Variants in SPAST observed in about 807,000 individuals in gnomAD.
SPAST encodes the protein spastin, also known as spastic paraplegia 4 (autosomal dominant; spastin).
Under a neutral mutation model 76.6 loss-of-function variants are expected in SPAST, and 30 were observed. The observed-to-expected ratio is 0.39, with a 90% CI of 0.29 to 0.53. The LOEUF is 0.53. Among genes scored for constraint, SPAST ranks in the 20% least tolerant of loss-of-function variants. The pLI is 0.68. For synonymous variants in SPAST, 305 were observed against 281.0 expected, an observed-to-expected ratio of 1.09 and a Z score of -0.86; for missense variants, 717 against 770.5, an observed-to-expected ratio of 0.93 and a Z score of 0.82.
chr2:32,117,482 A>T (rs1010413607), intron 7 of SPAST, among the ~76,000 whole-genome samples: 1 of 151,754 alleles, frequency 6.6e-6, no homozygotes, highest in Non-Finnish European at 1.5e-5. Flanking sequence ...ATTATTTTTA[A>T]AAAGAGAGAA....
chr2:32,123,803 A>G (rs1679101591), intron 7 of SPAST, among the ~76,000 whole-genome samples: 1 of 152,224 alleles, frequency 6.6e-6, no homozygotes, highest in Non-Finnish European at 1.5e-5. Context: ...ATGGTATAGG[A>G]CAACTGGACA....
intron 1 of SPAST, among the ~76,000 whole-genome samples, chr2:32,065,170 C>T (rs1558607082): frequency 1.3e-5 from 2 of 152,172 alleles, no homozygotes; most frequent in East Asian, 3.9e-4. Flanking sequence ...CAGGCACGCA[C>T]CACCACGCCT....
intron 15 of SPAST, among the ~76,000 whole-genome samples, chr2:32,146,586 G>T (rs1679892636): frequency 6.6e-6 from 1 of 151,568 alleles, no homozygotes; most frequent in Non-Finnish European, 1.5e-5. Context: ...AAATAAATAG[G>T]CCAGGCACGG....
chr2:32,143,315 TC>T lies in SPAST; in HGVS notation c.1537-20del. On this transcript the variant is annotated intron_variant, in intron 13 of 16. Coordinates refer to ENST00000315285, the MANE Select transcript of SPAST (RefSeq NM_014946.4). ...TTAATTCTGAAATTAGACTGAATGA[TC>T]ATTTTTTAATATTTTTCAGACAAGA... 1 of 1,334,704 alleles carries T rather than the reference TC, an allele frequency of 7.5e-7. No homozygotes were observed. The highest frequency in any genetic ancestry group is 1.1e-6 in the Non-Finnish European group (1 of 928,682). The allele number at this position is 1,334,704 out of a possible 1,614,324, so 82.7% of individuals were successfully genotyped here.
intron 1 of SPAST, among the ~76,000 whole-genome samples, chr2:32,083,531 T>G (rs2148705138): frequency 6.6e-6 from 1 of 151,124 alleles, no homozygotes; most frequent in East Asian, 1.9e-4. Context: ...ATTGGGTGCA[T>G]TGTTGTATCT....
In SPAST at chr2:32,093,330, A is replaced by AC. The variant is rs1677796712; in HGVS notation, c.586+3725_586+3726insC. On this transcript the variant is annotated intron_variant, in intron 3 of 16. Coordinates refer to ENST00000315285, the MANE Select transcript of SPAST (RefSeq NM_014946.4). ...CGTCTCAAAAAAAAAAAAAAAAAAA[A>AC]AAATAGCCGGGCATGGTGGCGGGCA... Among the ~76,000 whole-genome samples, 6 of 151,300 alleles carry AC rather than the reference A, an allele frequency of 4.0e-5. No homozygotes were observed. In the Admixed American group the frequency reaches 4.0e-4, roughly 10 times the overall value.
chr2:32,131,809 C>A (rs1336355905), intron 9 of SPAST, among the ~76,000 whole-genome samples: 1 of 151,222 alleles, frequency 6.6e-6, no homozygotes, highest in African/African-American at 2.4e-5. Flanking sequence ...ACTACAGGCA[C>A]CCGCCACGAC....
chr2:32,140,456 C>G (rs1002186714), intron 12 of SPAST, among the ~76,000 whole-genome samples: 1 of 152,090 alleles, frequency 6.6e-6, no homozygotes, highest in South Asian at 2.1e-4. Flanking sequence ...AACCCTGTCT[C>G]TGCTAAAAAT....
Position 32,103,408 on chromosome 2 carries a change from A to C in SPAST, c.682+4517A>C, listed in dbSNP as rs181105468. 5.9e-3 allele frequency among the ~76,000 whole-genome samples: 904 copies of C among 152,156 alleles called. 11 individuals carry two copies. The highest frequency in any genetic ancestry group is 0.02 in the African/African-American group (845 of 41,518). ...GTCTATCAGTTTTGTTGATCTTTTC[A>C]AAAAACCAGCTCCTGGATTCATTGA... On this transcript the variant is annotated intron_variant, in intron 4 of 16. Coordinates refer to ENST00000315285, the MANE Select transcript of SPAST (RefSeq NM_014946.4).
At chr2:32,083,187 G>A (rs1677309379) in intron 1 of SPAST, among the ~76,000 whole-genome samples, 1 of 152,032 alleles carries the variant, frequency 6.6e-6, no homozygotes, top group African/African-American at 2.4e-5. Context: ...GGCCAGGCTG[G>A]TCTTGAACTC....
chr2:32,156,588 G>A lies in SPAST; in HGVS notation c.*2092G>A, dbSNP rs1680261913. On this transcript the variant is annotated 3_prime_UTR_variant, in exon 17 of 17. Transcript: ENST00000315285. ...AAGGTAGTAATGAAATATATATGATGAAAAGAATTGAGAAGTTCTAAATTA... is the reference window on the plus strand; with the variant it reads ...AAGGTAGTAATGAAATATATATGATAAAAAGAATTGAGAAGTTCTAAATTA... 1 of 152,116 alleles carries A rather than the reference G, an allele frequency of 6.6e-6. No individual in the cohort carries two copies. Among genetic ancestry groups the A allele is most frequent in the Non-Finnish European group, 1.5e-5 (1 of 68,004 alleles). 9.4% of individuals were successfully genotyped at this position (152,116 alleles called of 1,614,324 possible).
intron 16 of SPAST, among the ~76,000 whole-genome samples, chr2:32,150,720 C>T (rs1051428656): frequency 5.9e-5 from 9 of 151,802 alleles, no homozygotes; most frequent in South Asian, 4.2e-4. Context: ...GGTGTGACAC[C>T]GTGCCAGACT....
intron 4 of SPAST, among the ~76,000 whole-genome samples, chr2:32,110,736 CTGTA>C (rs1230377787): frequency 5.0e-5 from 6 of 119,018 alleles, no homozygotes; most frequent in East Asian, 4.7e-4. Context: ...ATATAGTACA[CTGTA>C]TAGTATATAT....
At chr2:32,108,554 C>T (rs891044960) in intron 4 of SPAST, among the ~76,000 whole-genome samples, 3 of 151,850 alleles carry the variant, frequency 2.0e-5, no homozygotes, top group Non-Finnish European at 4.4e-5. Context: ...CTGACTCTTT[C>T]TCCCAGGCTG....
At chr2:32,081,345 C>G (rs899198131) in intron 1 of SPAST, among the ~76,000 whole-genome samples, 1 of 152,142 alleles carries the variant, frequency 6.6e-6, no homozygotes, top group Non-Finnish European at 1.5e-5. Flanking sequence ...TCACCTGCCT[C>G]AGCCTCCCAA....
At chr2:32,099,801 C>T (rs1249461830) in intron 4 of SPAST, among the ~76,000 whole-genome samples, 1 of 152,102 alleles carries the variant, frequency 6.6e-6, no homozygotes, top group African/African-American at 2.4e-5. Context: ...CCTTTCCCTA[C>T]CCTTTTCAGC....
At chr2:32,089,440 T>C in intron 2 of SPAST, 82 bp from the exon 3 acceptor site, 2 of 803,280 alleles carry the variant, frequency 2.5e-6, no homozygotes, top group South Asian at 1.5e-5. Flanking sequence ...TGACTCCCCA[T>C]GAAAGTAGTT....
intron 3 of SPAST, among the ~76,000 whole-genome samples, chr2:32,096,346 A>T (rs1345661698): frequency 2.0e-5 from 3 of 151,982 alleles, no homozygotes; most frequent in Admixed American, 2.0e-4. Context: ...GAGGCAGGAG[A>T]CTCTCTTGAA....
At chr2:32,075,480 CAA>C (rs70938316) in intron 1 of SPAST, among the ~76,000 whole-genome samples, 6 of 96,578 alleles carry the variant, frequency 6.2e-5, no homozygotes, top group Admixed American at 1.4e-4. Flanking sequence ...ATTGTGATGA[CAA>C]AAAAAAAAAA....
Sources: allele counts gnomAD v4.1 joint callset (sites outside exome capture counted in the v4.1 genomes callset), GRCh38; gene constraint gnomAD v4.1.1; transcripts MANE v1.5; gene names NCBI Gene and HGNC (gene_info 2026-07-23, HGNC 2026-07-21).